The following ATP8A2 variants were observed in gnomAD, a reference collection of about 807,000 sequenced individuals.
The protein encoded by ATP8A2 is phospholipid-transporting ATPase IB.
In ATP8A2, 100 loss-of-function variants were observed where a neutral mutation model predicts 165.6. The observed-to-expected ratio is 0.60, with a 90% CI of 0.51 to 0.71. ATP8A2 has a LOEUF of 0.71. Among genes scored for constraint, ATP8A2 ranks in the 30% least tolerant of loss-of-function variants. The probability of loss-of-function intolerance (pLI) is 0.00; values close to 1 mark genes in which losing one functional copy is unlikely to be tolerated. For synonymous variants in ATP8A2, 543 were observed against 548.8 expected (o/e 0.99, Z 0.15); for missense variants, 1,227 against 1,479.5 (o/e 0.83, Z 2.80).
intron 1 of ATP8A2, among the ~76,000 whole-genome samples, chr13:25,461,249 G>A (rs2035495691): frequency 6.6e-6 from 1 of 152,156 alleles, no homozygotes; most frequent in Non-Finnish European, 1.5e-5. Flanking sequence ...GCAAAGGAGG[G>A]TCTTGAAAAG....
intron 2 of ATP8A2, among the ~76,000 whole-genome samples, chr13:25,496,416 CT>C (rs1277194712): frequency 1.3e-5 from 2 of 152,024 alleles, no homozygotes; most frequent in African/African-American, 2.4e-5. Context: ...GGAGAGAATA[CT>C]TTTTTTCTTT....
intron 1 of ATP8A2, among the ~76,000 whole-genome samples, chr13:25,375,444 G>A (rs765387511): frequency 6.6e-6 from 1 of 152,134 alleles, no homozygotes; most frequent in Non-Finnish European, 1.5e-5. Context: ...AAGGAAGGAA[G>A]TTGTTTTCTA....
intron 25 of ATP8A2, among the ~76,000 whole-genome samples, chr13:25,734,739 A>G (rs964191367): frequency 6.6e-6 from 1 of 152,062 alleles, no homozygotes; most frequent in African/African-American, 2.4e-5. Context: ...CCCAGATTCA[A>G]GCGATTCTCC....
At chr13:25,381,314 A>G (rs2032829527) in intron 1 of ATP8A2, among the ~76,000 whole-genome samples, 1 of 152,196 alleles carries the variant, frequency 6.6e-6, no homozygotes, top group Non-Finnish European at 1.5e-5. Flanking sequence ...ACATTTAAAA[A>G]TGTGTTCCTG....
At chr13:25,496,718 A>T (rs945008305) in intron 2 of ATP8A2, among the ~76,000 whole-genome samples, 6 of 152,156 alleles carry the variant, frequency 3.9e-5, no homozygotes, top group Non-Finnish European at 7.3e-5. Context: ...CCAGGATTTT[A>T]AAAAAAGTCC....
At chr13:25,440,588 A>G (rs916876657) in intron 1 of ATP8A2, among the ~76,000 whole-genome samples, 10 of 152,214 alleles carry the variant, frequency 6.6e-5, no homozygotes, top group African/African-American at 2.2e-4. Context: ...ACCGAACACC[A>G]TGCCTCTCAC....
Position 25,553,779 on chromosome 13 carries a change from G to A in ATP8A2, c.1058-14G>A. ...TTGTGAACACCTTTCAGATACTCTG[G>A]TTTCCTTCCACAGACACCACCTCAG... On this transcript the variant is annotated splice_polypyrimidine_tract_variant and intron_variant, in intron 11 of 36. Coordinates refer to ENST00000381655, the MANE Select transcript of ATP8A2 (RefSeq NM_016529.6). The A allele has an allele frequency of 6.2e-7, 1 of 1,608,882 alleles. No homozygotes were observed. Among genetic ancestry groups the A allele is most frequent in the Non-Finnish European group, 8.5e-7 (1 of 1,178,058 alleles).
At chr13:25,695,522 G>A (rs974844543) in intron 24 of ATP8A2, among the ~76,000 whole-genome samples, 4 of 152,160 alleles carry the variant, frequency 2.6e-5, no homozygotes, top group African/African-American at 9.7e-5. Flanking sequence ...TTCAAAATTG[G>A]AATCAATTAT....
intron 27 of ATP8A2, among the ~76,000 whole-genome samples, chr13:25,809,416 A>G (rs1249803067): frequency 2.6e-5 from 4 of 152,192 alleles, no homozygotes; most frequent in African/African-American, 9.6e-5. Context: ...CATGTCCAAA[A>G]GAGAGCTGTT....
Position 25,968,570 on chromosome 13 carries a change from C to T in ATP8A2, c.3273-5C>T, listed in dbSNP as rs970717727. 1.2e-6 allele frequency: 2 copies of T among 1,612,558 alleles called. No individual in the cohort carries two copies. Among genetic ancestry groups the T allele is most frequent in the South Asian group, 2.2e-5 (2 of 90,384 alleles). On this transcript the variant is annotated splice_region_variant and splice_polypyrimidine_tract_variant and intron_variant, in intron 34 of 36. Coordinates refer to ENST00000381655, the MANE Select transcript of ATP8A2 (RefSeq NM_016529.6). The stretch of plus-strand genomic sequence containing the variant: ...TGTTCGTTTTGTCTTTTCCTCATAA[C>T]ACAGAGCCAAGCACACCTGCAAAAA...
Position 26,020,222 on chromosome 13 carries a change from T to G in ATP8A2, c.*237T>G. 1.8e-6 allele frequency: 1 copy of G among 550,700 alleles called. No homozygotes were observed. Among genetic ancestry groups the G allele is most frequent in the Non-Finnish European group, 3.2e-6 (1 of 308,482 alleles). The allele number at this position is 550,700 out of a possible 1,614,324, so 34.1% of individuals were successfully genotyped here. The stretch of plus-strand genomic sequence containing the variant: ...CTGCAGTGCTTAGCCTAACTTTTGT[T>G]TATGTCGTTATGAAGCATTCAACTG... On this transcript the variant is annotated 3_prime_UTR_variant, in exon 37 of 37. Transcript: ENST00000381655.
At chr13:25,786,192 C>A (rs1035347296) in intron 27 of ATP8A2, among the ~76,000 whole-genome samples, 1 of 152,158 alleles carries the variant, frequency 6.6e-6, no homozygotes, top group Non-Finnish European at 1.5e-5. Flanking sequence ...AATGTCTGTA[C>A]TTTCAAGTGG....
At chr13:25,764,078 G>A (rs139215985) in intron 25 of ATP8A2, among the ~76,000 whole-genome samples, 1 of 152,226 alleles carries the variant, frequency 6.6e-6, no homozygotes, top group East Asian at 1.9e-4. Flanking sequence ...ATTTTCAACA[G>A]GAAAATGAAC....
intron 22 of ATP8A2, among the ~76,000 whole-genome samples, chr13:25,581,174 G>C (rs901105381): frequency 6.6e-6 from 1 of 152,120 alleles, no homozygotes; most frequent in Admixed American, 6.6e-5. Context: ...GGAGAGACTT[G>C]GGATGTGAGT....
At chr13:25,531,092 CCTGT>C (rs1566228217) in intron 4 of ATP8A2, among the ~76,000 whole-genome samples, 4 of 149,456 alleles carry the variant, frequency 2.7e-5, no homozygotes, top group Non-Finnish European at 1.5e-5. Context: ...ATTCCTTTTC[CCTGT>C]CTTTCTTGCT....
chr13:25,770,956 C>T (rs1444838370), intron 26 of ATP8A2, among the ~76,000 whole-genome samples: 4 of 152,214 alleles, frequency 2.6e-5, no homozygotes, highest in African/African-American at 9.6e-5. Flanking sequence ...GGGCTTCAGG[C>T]CAGTCCTTTG....
intron 33 of ATP8A2, among the ~76,000 whole-genome samples, chr13:25,871,754 A>G (rs1952684103): frequency 1.3e-5 from 2 of 152,180 alleles, no homozygotes; most frequent in African/African-American, 4.8e-5. Context: ...AACTTTGATT[A>G]GCCAGCTGTC....
chr13:25,738,346 C>CA (rs1167081755), intron 25 of ATP8A2, among the ~76,000 whole-genome samples: 3 of 131,652 alleles, frequency 2.3e-5, no homozygotes, highest in East Asian at 2.1e-4. Flanking sequence ...CCCCTCCCCC[C>CA]CCCCCACACA....
intron 24 of ATP8A2, among the ~76,000 whole-genome samples, chr13:25,673,933 C>A (rs566822697): frequency 6.6e-6 from 1 of 152,070 alleles, no homozygotes; most frequent in Non-Finnish European, 1.5e-5. Context: ...GTCCATATGC[C>A]GCTTTGTCAT....
Sources: gnomAD v4.1 joint callset for allele counts (sites outside exome capture counted in the v4.1 genomes callset) on GRCh38, gnomAD v4.1.1 for gene constraint, MANE v1.5 for transcripts, NCBI Gene and HGNC (gene_info 2026-07-23, HGNC 2026-07-21) for gene names.